The following SCAI variants were observed in gnomAD, a reference collection of about 807,000 sequenced individuals.
SCAI encodes the protein suppressor of cancer cell invasion.
A neutral mutation model predicts 92.2 loss-of-function variants in SCAI; 24 were observed. The observed-to-expected ratio is 0.26, with a 90% CI of 0.19 to 0.37. The LOEUF (loss-of-function observed/expected upper bound fraction) is 0.37, where lower values mean the gene tolerates loss of function less well. SCAI is among the 10% of genes least tolerant of loss of function. The pLI, the probability that SCAI is intolerant of heterozygous loss-of-function variation, is 1.00. For missense variants in SCAI, 450 were observed against 736.2 expected, an observed-to-expected ratio of 0.61 and a Z score of 4.50; for synonymous variants, 261 against 258.6, an observed-to-expected ratio of 1.01 and a Z score of -0.09.
rs1831149191 is a variant in SCAI, at chr9:124,946,691, C to G, written c.*6116G>C. On this transcript the variant is annotated 3_prime_UTR_variant, in exon 18 of 18. Coordinates refer to ENST00000336505, the MANE Select transcript of SCAI (RefSeq NM_001144877.3). This position sits in a 1 kb window ranked among gnomAD's most constrained non-coding sequence, Gnocchi z 4.0. ...TACTATCCTCTTATCCTCCCCAACC[C>G]TATCATCCTTGGGAGAGGTTTGAAG... 1 of 152,196 alleles carries G rather than the reference C, an allele frequency of 6.6e-6. No individual in the cohort carries two copies. 9.4% of individuals were successfully genotyped at this position (152,196 alleles called of 1,614,324 possible).
chr9:125,143,255 C>T lies in SCAI; in HGVS notation c.53+130G>A, dbSNP rs1279970007. The T allele has an allele frequency of 1.3e-5, 7 of 530,630 alleles. No homozygotes were observed. The East Asian group carries it at 2.4e-4, about 18-fold the overall frequency. 32.9% of individuals were successfully genotyped at this position (530,630 alleles called of 1,614,324 possible). On this transcript the variant is annotated intron_variant, in intron 1 of 17. Transcript: ENST00000336505. Reference sequence around the variant, plus strand: ...CCGCCTGCAGGCGCCCCCAAGGTCCCCCCAGCCTGCACCCCCCGCCCCTCC... The same window carrying T: ...CCGCCTGCAGGCGCCCCCAAGGTCCTCCCAGCCTGCACCCCCCGCCCCTCC...
chr9:124,962,398 T>C (rs192001823), intron 17 of SCAI, among the ~76,000 whole-genome samples: 1 of 152,246 alleles, frequency 6.6e-6, no homozygotes, highest in East Asian at 1.9e-4. Context: ...TGACCTAAGG[T>C]GACCAACCCG....
rs1831241230 is a variant in SCAI, at chr9:124,951,969, A to C, written c.*838T>G. On this transcript the variant is annotated 3_prime_UTR_variant, in exon 18 of 18. Transcript: ENST00000336505. Reference sequence around the variant, plus strand: ...TAAATTTGAATGAGGCAAAAAATTAAAACTTTATGTCACAGACATCAATCC... The same window carrying C: ...TAAATTTGAATGAGGCAAAAAATTACAACTTTATGTCACAGACATCAATCC... 2 of 152,254 alleles carry C rather than the reference A, an allele frequency of 1.3e-5. No homozygotes were observed. Among genetic ancestry groups the C allele is most frequent in the South Asian group, 2.1e-4 (1 of 4,838 alleles). The allele number at this position is 152,254 out of a possible 1,614,324, so 9.4% of individuals were successfully genotyped here. A position where few individuals can be genotyped will look rare whatever the true frequency, so the allele number is the denominator to read the frequency against.
At chr9:125,006,161 A>C (rs962870279) in intron 9 of SCAI, among the ~76,000 whole-genome samples, 3 of 152,192 alleles carry the variant, frequency 2.0e-5, no homozygotes, top group African/African-American at 7.2e-5. Context: ...CATAAAACGC[A>C]TGAAGAAAAA....
At chr9:125,016,922 T>C (rs2131067464) in intron 9 of SCAI, among the ~76,000 whole-genome samples, 1 of 152,264 alleles carries the variant, frequency 6.6e-6, no homozygotes, top group African/African-American at 2.4e-5. Context: ...AACAGGGGCG[T>C]CTGGCATAGC....
At chr9:125,123,596 A>T (rs982563971) in intron 2 of SCAI, among the ~76,000 whole-genome samples, 3 of 152,134 alleles carry the variant, frequency 2.0e-5, no homozygotes, top group Non-Finnish European at 4.4e-5. Context: ...CTAACACGTG[A>T]AACCCCGTCT....
In SCAI at chr9:124,943,068, A is replaced by G. The variant is rs976189299; in HGVS notation, c.*9739T>C. ...TTCTAAAATCTATGGAGTATTAACC[A>G]TAACAGACAAAGAAGAAAAAGGCTG... On this transcript the variant is annotated 3_prime_UTR_variant, in exon 18 of 18. Coordinates refer to ENST00000336505, the MANE Select transcript of SCAI (RefSeq NM_001144877.3). 12 of 152,244 alleles carry G rather than the reference A, an allele frequency of 7.9e-5. No individual in the cohort carries two copies. Among genetic ancestry groups the G allele is most frequent in the African/African-American group, 2.4e-4 (10 of 41,464 alleles). The allele number at this position is 152,244 out of a possible 1,614,324, so 9.4% of individuals were successfully genotyped here. A position where few individuals can be genotyped will look rare whatever the true frequency, so the allele number is the denominator to read the frequency against.
At position 124,999,929 on chromosome 9, in the gene SCAI, G is replaced by A. The variant is rs761844822; in HGVS notation, c.1206C>T (p.Ala402=). The part of the protein sequence containing the change: ...NSNRDIINGD[A]IHKRNQSHKE... ...TGTGGGACTGATTTCGTTTGTGGAT[G>A]GCATCTCCATTAATAATATCCCGGT... Residue 402 remains alanine (A), a synonymous_variant, in exon 13 of 18, where the codon GCC becomes GCT. Transcript: ENST00000336505. 41 of 1,596,596 alleles carry A rather than the reference G, an allele frequency of 2.6e-5. No homozygotes were observed. The highest frequency in any genetic ancestry group is 3.3e-5 in the Non-Finnish European group (39 of 1,168,862).
intron 17 of SCAI, among the ~76,000 whole-genome samples, chr9:124,966,783 T>G (rs926243688): frequency 6.7e-6 from 1 of 148,408 alleles, no homozygotes; most frequent in Non-Finnish European, 1.5e-5. Context: ...TTATTAAGAG[T>G]TTTTTTTTTC....
chr9:124,991,351 CAAAAAAA>C lies in SCAI; in HGVS notation c.1326+3576_1326+3582del, dbSNP rs34976572. 2.5e-4 allele frequency among the ~76,000 whole-genome samples: 10 copies of C among 40,242 alleles called. No homozygotes were observed. The South Asian group carries it at 7.7e-3, about 31-fold the overall frequency. 26.4% of individuals were successfully genotyped at this position (40,242 alleles called of 152,430 possible). A position where few individuals can be genotyped will look rare whatever the true frequency, so the allele number is the denominator to read the frequency against. On this transcript the variant is annotated intron_variant, in intron 14 of 17. Coordinates refer to ENST00000336505, the MANE Select transcript of SCAI (RefSeq NM_001144877.3). ...TGGGTGACAGAGCAAAACTCCGTCTCAAAAAAAAAAAAAAAAAAAAAAAAAAATTAAC... is the reference window on the plus strand; with the variant it reads ...TGGGTGACAGAGCAAAACTCCGTCTCAAAAAAAAAAAAAAAAAAAATTAAC...
intron 2 of SCAI, among the ~76,000 whole-genome samples, chr9:125,126,359 C>G (rs1835273223): frequency 6.6e-6 from 1 of 151,966 alleles, no homozygotes; most frequent in African/African-American, 2.4e-5. Context: ...CTGCCTCATA[C>G]CATGGAGTTA....
intron 2 of SCAI, among the ~76,000 whole-genome samples, chr9:125,076,370 G>A (rs899975517): frequency 5.9e-5 from 9 of 151,790 alleles, no homozygotes; most frequent in Admixed American, 2.6e-4. Flanking sequence ...GTGGTGGCAC[G>A]CGCCTGTAAT....
intron 17 of SCAI, among the ~76,000 whole-genome samples, chr9:124,964,641 C>G (rs770765597): frequency 6.6e-6 from 1 of 152,128 alleles, no homozygotes; most frequent in Non-Finnish European, 1.5e-5. Context: ...TGTTCTGGGG[C>G]AAGTAGGCCA....
chr9:125,017,250 A>T (rs762759075), intron 9 of SCAI, among the ~76,000 whole-genome samples: 1 of 152,208 alleles, frequency 6.6e-6, no homozygotes, highest in South Asian at 2.1e-4. Context: ...AGGATATGCT[A>T]TTATCAGTTT....
At chr9:125,121,538 A>C (rs565205940) in intron 2 of SCAI, among the ~76,000 whole-genome samples, 1 of 152,006 alleles carries the variant, frequency 6.6e-6, no homozygotes, top group African/African-American at 2.4e-5. Flanking sequence ...ATTTTCAAAC[A>C]TAAGAACCTT....
At chr9:124,981,534 A>G (rs1182696232) in intron 14 of SCAI, among the ~76,000 whole-genome samples, 2 of 152,216 alleles carry the variant, frequency 1.3e-5, no homozygotes, top group Non-Finnish European at 2.9e-5. Context: ...GAAGCTCTTC[A>G]TCATAGGTTC....
chr9:125,019,516 G>A (rs887796454), intron 7 of SCAI, among the ~76,000 whole-genome samples: 3 of 151,966 alleles, frequency 2.0e-5, no homozygotes, highest in Non-Finnish European at 4.4e-5. Context: ...AAAAAAAAAT[G>A]AGGCTGGATG....
chr9:124,963,571 G>A lies in SCAI; in HGVS notation c.1674+7799C>T, dbSNP rs181050513. 5.5e-4 allele frequency among the ~76,000 whole-genome samples: 84 copies of A among 151,696 alleles called. No homozygotes were observed. The East Asian group carries it at 0.014, about 26-fold the overall frequency. ...TCGAGACCAGGTTGGCCAACATGGC[G>A]AAATCCCACCTCTACTAAAAATACA... On this transcript the variant is annotated intron_variant, in intron 17 of 17. Transcript: ENST00000336505.
At position 125,063,746 on chromosome 9, in the gene SCAI, C is replaced by T. The variant is rs367561973; in HGVS notation, c.99-7739G>A. Reference sequence around the variant, plus strand: ...GACAAAGTGTTCAGGTCAATATATCCCTTTTATCTTTTTTTTTTTTTTTTG... The same window carrying T: ...GACAAAGTGTTCAGGTCAATATATCTCTTTTATCTTTTTTTTTTTTTTTTG... On this transcript the variant is annotated intron_variant, in intron 2 of 17. Transcript: ENST00000336505. Among the ~76,000 whole-genome samples the T allele has an allele frequency of 1.4e-3, 215 of 151,080 alleles. 1 individual carries two copies. Among genetic ancestry groups the T allele is most frequent in the African/African-American group, 5.0e-3 (205 of 41,404 alleles).
Sources: gnomAD v4.1 joint callset for allele counts (sites outside exome capture counted in the v4.1 genomes callset) on GRCh38, gnomAD v4.1.1 for gene constraint, Gnocchi (gnomAD v3.1) non-coding constraint, MANE v1.5 for transcripts, NCBI Gene and HGNC (gene_info 2026-07-23, HGNC 2026-07-21) for gene names.